The following MEIS2 variants were observed in gnomAD, a reference collection of about 807,000 sequenced individuals.
MEIS2 encodes Meis homeobox 2.
A neutral mutation model predicts 58.6 loss-of-function variants in MEIS2; 9 were observed. That is an observed-to-expected ratio of 0.15 (90% CI 0.09 to 0.27). The LOEUF (loss-of-function observed/expected upper bound fraction) is 0.27, where lower values mean the gene tolerates loss of function less well. Ranked by LOEUF, MEIS2 falls within the 10% of genes least tolerant of loss-of-function variation. MEIS2 has a pLI of 1.00. For synonymous variants in MEIS2, 221 were observed against 228.4 expected, an observed-to-expected ratio of 0.97 and a Z score of 0.29; for missense variants, 427 against 635.0, an observed-to-expected ratio of 0.67 and a Z score of 3.52.
chr15:36,963,336 C>T (rs373282198), intron 8 of MEIS2, among the ~76,000 whole-genome samples: 3 of 151,092 alleles, frequency 2.0e-5, no homozygotes, highest in South Asian at 2.1e-4. Flanking sequence ...GCCGCGATTG[C>T]GCCACTGCAC....
At position 37,072,993 on chromosome 15, in the gene MEIS2, T is replaced by C. The variant is rs190378733; in HGVS notation, c.754+10778A>G. On this transcript the variant is annotated intron_variant, in intron 7 of 11. Transcript: ENST00000561208. ...TTATTCGTTTACCTTTCTGAGTTGCTTACTAAATATTACCAACTTGCTGAG... is the reference window on the plus strand; with the variant it reads ...TTATTCGTTTACCTTTCTGAGTTGCCTACTAAATATTACCAACTTGCTGAG... Among the ~76,000 whole-genome samples, 176 of 152,224 alleles carry C rather than the reference T, an allele frequency of 1.2e-3. 2 individuals carry two copies. The highest frequency in any genetic ancestry group is 3.9e-3 in the African/African-American group (162 of 41,552).
intron 4 of MEIS2, chr15:37,095,011 C>A (rs1021283593): frequency 7.7e-5 from 12 of 155,792 alleles, no homozygotes; most frequent in Non-Finnish European, 1.5e-4. Context: ...GCATACCCAG[C>A]GAAATCCTTC....
At position 36,910,019 on chromosome 15, in the gene MEIS2, A is replaced by G. The variant is rs376444106; in HGVS notation, c.978-13333T>C. On this transcript the variant is annotated intron_variant, in intron 9 of 11. Transcript: ENST00000561208. ...GCAGTTTGAGGCCAGCCTGGGCAACATGATGAAGCCCCATCTCTACGAAAA... is the reference window on the plus strand; with the variant it reads ...GCAGTTTGAGGCCAGCCTGGGCAACGTGATGAAGCCCCATCTCTACGAAAA... Among the ~76,000 whole-genome samples, 5 of 152,266 alleles carry G rather than the reference A, an allele frequency of 3.3e-5. No individual in the cohort carries two copies. The South Asian group carries it at 8.3e-4, about 25-fold the overall frequency.
At chr15:36,929,926 G>T (rs920642276) in intron 9 of MEIS2, among the ~76,000 whole-genome samples, 1 of 151,982 alleles carries the variant, frequency 6.6e-6, no homozygotes, top group Non-Finnish European at 1.5e-5. Context: ...ACAGAGGCCC[G>T]GTGTGGTGGC....
chr15:36,906,923 A>G (rs16964270), intron 9 of MEIS2, among the ~76,000 whole-genome samples: 9,394 of 152,208 alleles, frequency 0.062, 995 homozygotes, highest in African/African-American at 0.21. Context: ...CCTTGTTTCT[A>G]ATAGGACCAA....
rs1596132393 is a variant in MEIS2 at position 37,095,847 on chromosome 15, C to G, written c.388-233G>C. ...TACGACTAAGCTGTAGCCAGGAACT[C>G]AGGGTCGTTCTCAGGGCCTCGAGTT... On this transcript the variant is annotated intron_variant, in intron 3 of 11. Coordinates refer to ENST00000561208, the MANE Select transcript of MEIS2 (RefSeq NM_170675.5). 1.9e-5 allele frequency: 11 copies of G among 591,122 alleles called. No homozygotes were observed. The East Asian group carries it at 3.3e-4, about 18-fold the overall frequency. The allele number at this position is 591,122 out of a possible 1,614,324, so 36.6% of individuals were successfully genotyped here.
intron 6 of MEIS2, among the ~76,000 whole-genome samples, chr15:37,086,957 C>T (rs946046407): frequency 4.6e-5 from 7 of 152,190 alleles, no homozygotes; most frequent in African/African-American, 1.4e-4. Context: ...ATCACAACTC[C>T]TTTCTTCTAT....
chr15:37,025,591 C>T (rs1001508339), intron 8 of MEIS2, among the ~76,000 whole-genome samples: 1 of 151,864 alleles, frequency 6.6e-6, no homozygotes, highest in Non-Finnish European at 1.5e-5. Flanking sequence ...CACAGAGGTC[C>T]AACCATAGAG....
At chr15:37,097,850 G>C (rs1894481137) in intron 2 of MEIS2, 117 bp downstream of exon 2, 1 of 1,389,346 alleles carries the variant, frequency 7.2e-7, no homozygotes, top group Non-Finnish European at 9.4e-7. Context: ...AGCGGCGCCC[G>C]CCCCCCACCA....
At chr15:37,050,937 C>T (rs186374468) in intron 7 of MEIS2, 67 of 152,336 alleles carry the variant, frequency 4.4e-4, no homozygotes, top group African/African-American at 1.5e-3. Context: ...AGCCCCAGAT[C>T]TATTCCTTAT....
chr15:36,939,690 G>A (rs1022027110), intron 9 of MEIS2, among the ~76,000 whole-genome samples: 3 of 151,944 alleles, frequency 2.0e-5, no homozygotes, highest in African/African-American at 2.4e-5. Flanking sequence ...CAAGGGGCTC[G>A]CCCACAATTG....
At chr15:37,051,116 T>C (rs926743827) in intron 7 of MEIS2, among the ~76,000 whole-genome samples, 1 of 152,216 alleles carries the variant, frequency 6.6e-6, no homozygotes, top group Admixed American at 6.5e-5. Context: ...CCCAATGCTT[T>C]ATACTTATTA....
chr15:36,930,260 A>T (rs1445317659), intron 9 of MEIS2, among the ~76,000 whole-genome samples: 1 of 151,930 alleles, frequency 6.6e-6, no homozygotes, highest in Non-Finnish European at 1.5e-5. Context: ...ACAGAGAATA[A>T]ACCACAGAGA....
Position 36,892,270 on chromosome 15 carries a change from G to T in MEIS2, c.1337C>A (p.Thr446Asn). Residue 446 changes from threonine to asparagine, a missense_variant, in exon 12 of 12, where the codon ACC (threonine) becomes AAC (asparagine). Coordinates refer to ENST00000561208, the MANE Select transcript of MEIS2 (RefSeq NM_170675.5). ...TGCTGACATAGTCATTCCAGGGTGGGTAGGGGGTCCTCCGTGCATCATCAT... is the reference window on the plus strand; with the variant it reads ...TGCTGACATAGTCATTCCAGGGTGGTTAGGGGGTCCTCCGTGCATCATCAT... ...PAMMMHGGPP[T>N]HPGMTMSAQS... is the part of the protein sequence containing the mutation. 1 of 1,614,040 alleles carries T rather than the reference G, an allele frequency of 6.2e-7. No homozygotes were observed. Among genetic ancestry groups the T allele is most frequent in the Non-Finnish European group, 8.5e-7 (1 of 1,179,998 alleles).
chr15:36,990,045 T>C (rs1035218449), intron 8 of MEIS2, among the ~76,000 whole-genome samples: 33 of 152,122 alleles, frequency 2.2e-4, no homozygotes, highest in African/African-American at 7.5e-4. Flanking sequence ...CCCGGGTTCA[T>C]GCCATTCTCC....
intron 8 of MEIS2, among the ~76,000 whole-genome samples, chr15:36,998,545 C>A (rs571112997): frequency 6.6e-6 from 1 of 152,200 alleles, no homozygotes; most frequent in South Asian, 2.1e-4. Context: ...TCTTCCAAAT[C>A]ATTCCATGCT....
chr15:36,945,744 G>T (rs934910001), intron 9 of MEIS2, among the ~76,000 whole-genome samples: 2 of 151,874 alleles, frequency 1.3e-5, no homozygotes, highest in African/African-American at 4.8e-5. Context: ...GGGAAGGTGG[G>T]GCAAACAGGA....
At chr15:36,971,537 T>TAAAAAA (rs71126247) in intron 8 of MEIS2, among the ~76,000 whole-genome samples, 827 of 67,080 alleles carry the variant, frequency 0.012, 89 homozygotes, top group African/African-American at 0.055. Context: ...CTTGTTACAT[T>TAAAAAA]AAAAAAAAAA....
chr15:36,954,084 A>G (rs1016124606), intron 8 of MEIS2, among the ~76,000 whole-genome samples: 2 of 152,194 alleles, frequency 1.3e-5, no homozygotes, highest in African/African-American at 4.8e-5. Flanking sequence ...CATAAATTAG[A>G]TATGTACAAT....
Sources: gnomAD v4.1 joint callset for allele counts (sites outside exome capture counted in the v4.1 genomes callset) on GRCh38, gnomAD v4.1.1 for gene constraint, MANE v1.5 for transcripts, NCBI Gene and HGNC (gene_info 2026-07-23, HGNC 2026-07-21) for gene names.